PACRGL: variants seen among roughly 807,000 people sequenced by gnomAD.
PACRGL encodes PACRG-like protein.
A neutral mutation model predicts 34.5 loss-of-function variants in PACRGL; 38 were observed. That is an observed-to-expected ratio of 1.10 (90% CI 0.85 to 1.44). The LOEUF (loss-of-function observed/expected upper bound fraction) is 1.44. Ranked by LOEUF, PACRGL falls within the 40% of genes most tolerant of loss-of-function variation. The pLI, the probability that PACRGL is intolerant of heterozygous loss-of-function variation, is 0.00. For synonymous variants in PACRGL, 128 were observed against 100.1 expected (o/e 1.28, Z -1.66); for missense variants, 305 against 281.4 (o/e 1.08, Z -0.60).
In PACRGL at chr4:20,731,157, T is replaced by G. The variant is rs1419566766; in HGVS notation, c.*3816T>G. Among the ~76,000 whole-genome samples the G allele has an allele frequency of 2.6e-5, 4 of 152,148 alleles. No homozygotes were observed. Among genetic ancestry groups the G allele is most frequent in the East Asian group, 1.9e-4 (1 of 5,198 alleles). On this transcript the variant is annotated 3_prime_UTR_variant, in exon 9 of 9. Coordinates refer to ENST00000503585, the MANE Select transcript of PACRGL (RefSeq NM_001258345.3). The stretch of plus-strand genomic sequence containing the variant: ...TGGAGTGCAGTGGCACAATCATGGC[T>G]CAACAGGGATCAAGTGATCTTCCTG...
Position 20,709,702 on chromosome 4 carries a change from A to G in PACRGL, c.295A>G (p.Lys99Glu). The change falls in exon 5 of 9, where the codon AAA becomes GAA. Residue 99 changes from lysine (K) to glutamate (E), a missense_variant. Transcript: ENST00000503585. ...TTTTAGATTGGTACATGGTTCAGTAAAACACAGATTACAGTGGGAATGTCC... is the reference window on the plus strand; with the variant it reads ...TTTTAGATTGGTACATGGTTCAGTAGAACACAGATTACAGTGGGAATGTCC... ...IPCRLVHGSVKHRLQWECPPE... is the reference protein window; with the variant it reads ...IPCRLVHGSVEHRLQWECPPE... The G allele has an allele frequency of 1.9e-6, 3 of 1,606,942 alleles. No homozygotes were observed. The highest frequency in any genetic ancestry group is 2.6e-6 in the Non-Finnish European group (3 of 1,174,776).
intron 7 of PACRGL, among the ~76,000 whole-genome samples, chr4:20,720,281 C>G (rs1413668571): frequency 6.6e-6 from 1 of 152,142 alleles, no homozygotes; most frequent in African/African-American, 2.4e-5. Flanking sequence ...GACTCTTTAT[C>G]CAATCTGCCA....
chr4:20,758,993 A>G, the PACRGL span: 1 of 804,264 alleles, frequency 1.2e-6, no homozygotes, highest in Non-Finnish European at 2.1e-6. Flanking sequence ...AGCTGCACCA[A>G]GAAAATTAAC....
chr4:20,731,370 G>A lies in PACRGL; in HGVS notation c.*4029G>A. The A allele has an allele frequency of 3.1e-6, 3 of 983,484 alleles. No individual in the cohort carries two copies. The highest frequency in any genetic ancestry group is 3.6e-6 in the Non-Finnish European group (3 of 828,242). The allele number at this position is 983,484 out of a possible 1,614,324, so 60.9% of individuals were successfully genotyped here. On this transcript the variant is annotated 3_prime_UTR_variant, in exon 9 of 9. Transcript: ENST00000503585. ...ATTACAGTTGTGAGCTACTGTACCAGGCCTTAACAATTTTTAACTGTGGTT... is the reference window on the plus strand; with the variant it reads ...ATTACAGTTGTGAGCTACTGTACCAAGCCTTAACAATTTTTAACTGTGGTT...
At chr4:20,720,240 G>T (rs199531279) in intron 7 of PACRGL, among the ~76,000 whole-genome samples, 1 of 152,024 alleles carries the variant, frequency 6.6e-6, no homozygotes, top group Non-Finnish European at 1.5e-5. Context: ...CATGAGATGG[G>T]TCTCCTGAAT....
intron 7 of PACRGL, among the ~76,000 whole-genome samples, chr4:20,722,343 G>A (rs868695481): frequency 2.0e-5 from 3 of 152,192 alleles, no homozygotes; most frequent in Non-Finnish European, 1.5e-5. Context: ...TGCACCCACT[G>A]TCCAACAAGC....
chr4:20,702,297 C>G, intron 1 of PACRGL: 1 of 440,122 alleles, frequency 2.3e-6, no homozygotes, highest in Admixed American at 2.5e-5. Context: ...GGGTACGCGT[C>G]TTTGCTGTGC....
downstream of PACRGL, among the ~76,000 whole-genome samples, chr4:20,735,170 C>CT (rs1174725048): frequency 1.3e-5 from 2 of 152,158 alleles, no homozygotes; most frequent in African/African-American, 4.8e-5. Context: ...CAATTGTGGT[C>CT]TTTAATTAGA....
intron 8 of PACRGL, among the ~76,000 whole-genome samples, chr4:20,741,456 C>T (rs902210614): frequency 2.6e-5 from 4 of 152,190 alleles, no homozygotes; most frequent in Admixed American, 1.3e-4. Context: ...GAACAACCTG[C>T]TCCTGAATGA....
chr4:20,715,293 G>T (rs1739342872), intron 7 of PACRGL, among the ~76,000 whole-genome samples: 1 of 151,974 alleles, frequency 6.6e-6, no homozygotes, highest in East Asian at 1.9e-4. Context: ...GTAGTGGGGA[G>T]GGATAGCATT....
Position 20,704,456 on chromosome 4 carries a change from T to A in PACRGL, c.-16-10T>A, listed in dbSNP as rs776774236. On this transcript the variant is annotated splice_polypyrimidine_tract_variant and intron_variant, in intron 1 of 8. Transcript: ENST00000503585. ...ATTTTGAAATCAACTTTTTTTTTTT[T>A]AAACTGCAGGAGTGAAAGGGAAGCA... 6.2e-6 allele frequency: 10 copies of A among 1,600,802 alleles called. No homozygotes were observed. The highest frequency in any genetic ancestry group is 1.8e-5 in the Admixed American group (1 of 56,854).
At chr4:20,712,244 T>C (rs1012612655) in intron 5 of PACRGL, among the ~76,000 whole-genome samples, 1 of 151,692 alleles carries the variant, frequency 6.6e-6, no homozygotes, top group African/African-American at 2.4e-5. Context: ...TCTTTTCTTT[T>C]CCTTTTTCTT....
the PACRGL span, among the ~76,000 whole-genome samples, chr4:20,764,350 C>T: frequency 6.6e-6 from 1 of 152,112 alleles, no homozygotes; most frequent in South Asian, 2.1e-4. Context: ...ACATTTTTTA[C>T]ATCATGATTT....
chr4:20,740,067 A>G (rs961231351), intron 8 of PACRGL, among the ~76,000 whole-genome samples: 3 of 152,170 alleles, frequency 2.0e-5, no homozygotes, highest in African/African-American at 4.8e-5. Context: ...CAAAGCCTCC[A>G]GGAAATATGG....
chr4:20,764,511 T>G, the PACRGL span, among the ~76,000 whole-genome samples: 1 of 152,106 alleles, frequency 6.6e-6, no homozygotes, highest in African/African-American at 2.4e-5. Context: ...TCTTTATGAC[T>G]AATCCCAGAA....
intron 5 of PACRGL, 74 bp from the exon 6 acceptor site, chr4:20,712,714 G>A: frequency 7.8e-7 from 1 of 1,280,080 alleles, no homozygotes; most frequent in Non-Finnish European, 1.0e-6. Context: ...GTTTAAGCAA[G>A]TAAAGACTCA....
At chr4:20,722,094 G>GTATGCTC (rs1283915639) in intron 7 of PACRGL, among the ~76,000 whole-genome samples, 1 of 152,234 alleles carries the variant, frequency 6.6e-6, no homozygotes, top group African/African-American at 2.4e-5. Flanking sequence ...AGCAATGAGC[G>GTATGCTC]AGGCTCCATG....
chr4:20,763,989 T>C, the PACRGL span, among the ~76,000 whole-genome samples: 1 of 152,096 alleles, frequency 6.6e-6, no homozygotes, highest in Non-Finnish European at 1.5e-5. Flanking sequence ...TGAGCATGAA[T>C]TTTTTCATTA....
intron 3 of PACRGL, among the ~76,000 whole-genome samples, chr4:20,705,480 G>C (rs1734093250): frequency 6.6e-6 from 1 of 152,100 alleles, no homozygotes. Context: ...GGTATAGTGA[G>C]CTCTCCAAGA....
Sources: allele counts gnomAD v4.1 joint callset (sites outside exome capture counted in the v4.1 genomes callset), GRCh38; gene constraint gnomAD v4.1.1; transcripts MANE v1.5; gene names NCBI Gene and HGNC (gene_info 2026-07-23, HGNC 2026-07-21).